Variants in SEL1L3 observed in about 807,000 individuals in gnomAD.
SEL1L3 encodes SEL1L family member 3, also known as protein sel-1 homolog 3.
Under a neutral mutation model 142.8 loss-of-function variants are expected in SEL1L3, and 76 were observed. The ratio of observed to expected loss-of-function variants is 0.53; its 90% confidence interval spans 0.44 to 0.64. The LOEUF (loss-of-function observed/expected upper bound fraction) is 0.64. SEL1L3 is among the 30% of genes least tolerant of loss of function. The probability of loss-of-function intolerance (pLI) is 0.00; values close to 1 mark genes in which losing one functional copy is unlikely to be tolerated. For synonymous variants in SEL1L3, 504 were observed against 519.6 expected, an observed-to-expected ratio of 0.97 and a Z score of 0.41; for missense variants, 1,262 against 1,381.7, an observed-to-expected ratio of 0.91 and a Z score of 1.37.
At chr4:25,725,086 G>A in the SEL1L3 span, among the ~76,000 whole-genome samples, 3 of 152,034 alleles carry the variant, frequency 2.0e-5, no homozygotes, top group African/African-American at 7.2e-5. Flanking sequence ...GACTATTTCC[G>A]GTGCATAGAT....
At chr4:25,758,427 C>T (rs748226848) in intron 21 of SEL1L3, among the ~76,000 whole-genome samples, 4 of 152,152 alleles carry the variant, frequency 2.6e-5, no homozygotes, top group Non-Finnish European at 5.9e-5. Flanking sequence ...GCTGAGATCG[C>T]ACCACTGCAC....
intron 5 of SEL1L3, 132 bp from the exon 6 acceptor site, chr4:25,830,288 T>G: frequency 1.7e-6 from 1 of 577,372 alleles, no homozygotes; most frequent in Non-Finnish European, 3.1e-6. Flanking sequence ...AAAAATAAAA[T>G]TAACAGTTTA....
chr4:25,786,017 T>C (rs1560298830), intron 13 of SEL1L3, among the ~76,000 whole-genome samples: 1 of 152,150 alleles, frequency 6.6e-6, no homozygotes, highest in Non-Finnish European at 1.5e-5. Flanking sequence ...CTGAGTAGTA[T>C]TAAAAGTTGT....
In SEL1L3 at chr4:25,802,374, T is replaced by C. The variant is rs773061067; in HGVS notation, c.1865A>G (p.Asn622Ser). The C allele has an allele frequency of 4.3e-6, 7 of 1,613,852 alleles. No individual in the cohort carries two copies. In the South Asian group the frequency reaches 4.4e-5, roughly 10 times the overall value. The stretch of plus-strand genomic sequence containing the variant: ...CGACAGTTCCCAGTCCAGGGGGTAG[T>C]TGTCAATACCCTGGTAGTGTTTATA... ...LGYKHYQGID[N>S]YPLDWELSYA... Residue 622 changes from asparagine (N) to serine (S), a missense_variant, in exon 11 of 24, where the codon AAC becomes AGC. Around this residue, in one of 3 missense-constraint regions of SEL1L3, gnomAD observed 435 missense variants for 559.2 expected, o/e 0.78. Transcript: ENST00000399878.
intron 17 of SEL1L3, among the ~76,000 whole-genome samples, chr4:25,768,148 C>T (rs1306559298): frequency 6.6e-6 from 1 of 152,118 alleles, no homozygotes; most frequent in African/African-American, 2.4e-5. Flanking sequence ...CTTGCATCCT[C>T]GCTTAGAGGA....
the SEL1L3 span, among the ~76,000 whole-genome samples, chr4:25,717,235 G>A: frequency 1.3e-5 from 2 of 152,182 alleles, no homozygotes; most frequent in African/African-American, 4.8e-5. Flanking sequence ...TTCAAGTCAT[G>A]GTTACCTCTG....
At chr4:25,715,665 A>T in the SEL1L3 span, among the ~76,000 whole-genome samples, 2 of 152,200 alleles carry the variant, frequency 1.3e-5, no homozygotes, top group African/African-American at 4.8e-5. Context: ...ATGGGAAAGA[A>T]GCCACTAAAT....
chr4:25,863,133 C>T (rs1426326769), upstream of SEL1L3: 8 of 196,488 alleles, frequency 4.1e-5, no homozygotes, highest in Admixed American at 5.1e-4. Flanking sequence ...TTCCACCCCT[C>T]GGAGCAGCGG....
intron 7 of SEL1L3, among the ~76,000 whole-genome samples, chr4:25,821,790 A>C (rs1378953522): frequency 2.0e-5 from 3 of 152,256 alleles, no homozygotes; most frequent in African/African-American, 4.8e-5. Flanking sequence ...AATGGTTTCC[A>C]TTTTATGAGT....
chr4:25,734,575 T>A, the SEL1L3 span, among the ~76,000 whole-genome samples: 43 of 152,196 alleles, frequency 2.8e-4, no homozygotes, highest in African/African-American at 9.6e-4. Context: ...GATTTTTGTA[T>A]CTTCTTTTTT....
At chr4:25,818,089 A>G in intron 9 of SEL1L3, 49 bp downstream of exon 9, 1 of 1,580,624 alleles carries the variant, frequency 6.3e-7, no homozygotes, top group Non-Finnish European at 8.6e-7. Context: ...AGAGAAAAAC[A>G]AGGAGCCTTT....
upstream of SEL1L3, chr4:25,863,136 A>C: frequency 3.3e-5 from 5 of 150,016 alleles, no homozygotes; most frequent in Non-Finnish European, 5.3e-5. Flanking sequence ...CACCCCTCGG[A>C]GCAGCGGGCG....
At chr4:25,718,786 T>C in the SEL1L3 span, 1 of 152,118 alleles carries the variant, frequency 6.6e-6, no homozygotes, top group Non-Finnish European at 1.5e-5. Context: ...GAGTCTTAGG[T>C]GAAGTCCATA....
intron 17 of SEL1L3, among the ~76,000 whole-genome samples, chr4:25,774,105 AG>A (rs1443862697): frequency 1.3e-5 from 2 of 152,214 alleles, no homozygotes; most frequent in Non-Finnish European, 2.9e-5. Flanking sequence ...AGAAGTTATC[AG>A]GCAATTGACA....
Position 25,790,540 on chromosome 4 carries a change from T to C in SEL1L3, c.1991A>G (p.Glu664Gly), listed in dbSNP as rs1297276059. ...YVETIRLKDD[E>G]ILKVQTKEDG... ...TTCTTTGGTTTGTACCTTGAGTATT[T>C]CATCATCTTTTAGTCTAATTGTTTC... Residue 664 changes from glutamate (E) to glycine (G), a missense_variant, in exon 12 of 24, where the codon GAA becomes GGA. Around this residue, in one of 3 missense-constraint regions of SEL1L3, gnomAD observed 435 missense variants for 559.2 expected, o/e 0.78. Transcript: ENST00000399878. 6.2e-7 allele frequency: 1 copy of C among 1,612,834 alleles called. No individual in the cohort carries two copies.
chr4:25,766,173 T>TC (rs1393939293), intron 19 of SEL1L3, among the ~76,000 whole-genome samples: 3 of 152,180 alleles, frequency 2.0e-5, no homozygotes, highest in African/African-American at 4.8e-5. Context: ...GTGCCGTAGC[T>TC]CACACCTGTA....
chr4:25,775,991 G>C (rs1719588700), intron 17 of SEL1L3, among the ~76,000 whole-genome samples: 1 of 152,128 alleles, frequency 6.6e-6, no homozygotes, highest in Non-Finnish European at 1.5e-5. Flanking sequence ...CTAAAACCAA[G>C]AGGGGCAAGC....
intron 11 of SEL1L3, among the ~76,000 whole-genome samples, chr4:25,791,375 A>G (rs1712324546): frequency 6.6e-6 from 1 of 152,266 alleles, no homozygotes; most frequent in African/African-American, 2.4e-5. Context: ...GAATTTGCAC[A>G]CAGCCTCCCA....
intron 11 of SEL1L3, among the ~76,000 whole-genome samples, chr4:25,793,269 T>C (rs1250474925): frequency 1.3e-5 from 2 of 152,034 alleles, no homozygotes; most frequent in Admixed American, 1.3e-4. Context: ...AAATGGTGAC[T>C]GTGAAGAGGA....
Sources: allele counts gnomAD v4.1 joint callset (sites outside exome capture counted in the v4.1 genomes callset), GRCh38; gene constraint gnomAD v4.1.1; regional missense constraint gnomAD v4.1.1; transcripts MANE v1.5; gene names NCBI Gene and HGNC (gene_info 2026-07-23, HGNC 2026-07-21).